TGFBR2: variants seen among roughly 807,000 people sequenced by gnomAD.
TGFBR2 encodes transforming growth factor beta receptor 2.
TGFBR2 carries 18 observed loss-of-function variants against 49.0 expected under a neutral mutation model. That is an observed-to-expected ratio of 0.37 (90% CI 0.25 to 0.54). The LOEUF (loss-of-function observed/expected upper bound fraction) is 0.54. Ranked by LOEUF, TGFBR2 falls within the 20% of genes least tolerant of loss-of-function variation. The pLI is 0.85. For synonymous variants in TGFBR2, 282 were observed against 275.9 expected (o/e 1.02, Z -0.22); for missense variants, 525 against 722.6 (o/e 0.73, Z 3.13).
Position 30,672,311 on chromosome 3 carries a change from GC to G in TGFBR2, c.1129del (p.His377ThrfsTer11). Reference sequence around the variant, plus strand: ...GTGGGAGGCCCAAGATGCCCATCGTGCACAGGGACCTCAAGAGCTCCAATAT... The same window carrying G: ...GTGGGAGGCCCAAGATGCCCATCGTGACAGGGACCTCAAGAGCTCCAATAT... ...PCGRPKMPIV[H>X]RDLKSSNILV... is the part of the protein sequence containing the mutation. On this transcript the variant is annotated frameshift_variant, in exon 4 of 7. Coordinates refer to ENST00000295754, the MANE Select transcript of TGFBR2 (RefSeq NM_003242.6). LOFTEE classifies it high-confidence loss of function. The surrounding 1 kb of genome is among the most constrained non-coding windows in gnomAD (Gnocchi z 4.5). 1 of 1,610,902 alleles carries G rather than the reference GC, an allele frequency of 6.2e-7. No individual in the cohort carries two copies. Among genetic ancestry groups the G allele is most frequent in the Non-Finnish European group, 8.5e-7 (1 of 1,178,038 alleles).
intron 3 of TGFBR2, among the ~76,000 whole-genome samples, chr3:30,651,586 C>T (rs929717427): frequency 6.6e-6 from 1 of 152,178 alleles, no homozygotes. Flanking sequence ...ATATTATCTC[C>T]CACGATGGAT....
Position 30,606,925 on chromosome 3 carries a change from C to T in TGFBR2, c.42C>T (p.Ile14=). The change falls in exon 1 of 7, where the codon ATC becomes ATT. Residue 14 remains isoleucine, a synonymous_variant. Transcript: ENST00000295754. ...TCAGGGGCCTGTGGCCGCTGCACAT[C>T]GTCCTGTGGACGCGTATCGCCAGCA... ...GLLRGLWPLH[I]VLWTRIASTI... The T allele has an allele frequency of 6.3e-7, 1 of 1,599,998 alleles. No individual in the cohort carries two copies. The highest frequency in any genetic ancestry group is 8.5e-7 in the Non-Finnish European group (1 of 1,173,206).
chr3:30,619,038 A>G (rs1698181021), intron 1 of TGFBR2, among the ~76,000 whole-genome samples: 1 of 152,170 alleles, frequency 6.6e-6, no homozygotes, highest in Non-Finnish European at 1.5e-5. Context: ...GATGTTTCCA[A>G]ATAATTTTAT....
intron 3 of TGFBR2, among the ~76,000 whole-genome samples, chr3:30,659,657 G>A (rs752921759): frequency 4.0e-5 from 6 of 150,846 alleles, no homozygotes; most frequent in African/African-American, 7.3e-5. Context: ...GTGGAATCTA[G>A]TATGGACACA....
rs1039181102 is a variant in TGFBR2 at position 30,692,403 on chromosome 3, C to T, written c.*804C>T. ...TTAATACCTTGAATGTTTTGAACCC[C>T]ACTTTTTACCTTCATGGGTTGCAGA... On this transcript the variant is annotated 3_prime_UTR_variant, in exon 7 of 7. Transcript: ENST00000295754. 1.3e-5 allele frequency: 3 copies of T among 231,332 alleles called. No homozygotes were observed. Among genetic ancestry groups the T allele is most frequent in the Non-Finnish European group, 2.6e-5 (3 of 116,888 alleles). 14.3% of individuals were successfully genotyped at this position (231,332 alleles called of 1,614,324 possible).
rs568433643 is a variant in TGFBR2, at chr3:30,628,866, C to G, written c.95-15881C>G. 2.6e-5 allele frequency among the ~76,000 whole-genome samples: 4 copies of G among 152,256 alleles called. No individual in the cohort carries two copies. The South Asian group carries it at 8.3e-4, about 32-fold the overall frequency. ...AACGTGTTTTCCATGGAACACTACT[C>G]CTTGTCCCTAATTGTCTTCTCTCCC... On this transcript the variant is annotated intron_variant, in intron 1 of 6. Transcript: ENST00000295754.
chr3:30,660,222 G>A (rs1255681732), intron 3 of TGFBR2, among the ~76,000 whole-genome samples: 2 of 152,116 alleles, frequency 1.3e-5, no homozygotes, highest in East Asian at 1.9e-4. Context: ...TCTCTGAAAT[G>A]TAGTCATTAA....
intron 3 of TGFBR2, among the ~76,000 whole-genome samples, chr3:30,659,283 T>G (rs768282607): frequency 2.0e-5 from 3 of 152,024 alleles, no homozygotes; most frequent in Non-Finnish European, 2.9e-5. Flanking sequence ...AGGAAGAAAA[T>G]TATGGATTAA....
chr3:30,614,323 T>C (rs986844061), intron 1 of TGFBR2, among the ~76,000 whole-genome samples: 4 of 152,122 alleles, frequency 2.6e-5, no homozygotes, highest in African/African-American at 2.4e-5. Context: ...TTAGAAGATA[T>C]AAGATTGTCA....
chr3:30,623,014 C>T lies in TGFBR2; in HGVS notation c.94+16037C>T, dbSNP rs539856782. Among the ~76,000 whole-genome samples the T allele has an allele frequency of 2.6e-5, 4 of 151,364 alleles. No homozygotes were observed. In the East Asian group the frequency reaches 7.8e-4, roughly 29 times the overall value. On this transcript the variant is annotated intron_variant, in intron 1 of 6. Coordinates refer to ENST00000295754, the MANE Select transcript of TGFBR2 (RefSeq NM_003242.6). ...TTGAGACATATGGGTGAAAGATCAC[C>T]AGAGGGAAAAATGTCTAGTCTGATA...
At position 30,623,664 on chromosome 3, in the gene TGFBR2, A is replaced by G. The variant is rs2125454406; in HGVS notation, c.94+16687A>G. On this transcript the variant is annotated intron_variant, in intron 1 of 6. Coordinates refer to ENST00000295754, the MANE Select transcript of TGFBR2 (RefSeq NM_003242.6). ...CAAATGCTGCCATGTGTAAAAGGCT[A>G]TGCCAGTTTCTGCAGTCCTGTAGTT... Among the ~76,000 whole-genome samples the G allele has an allele frequency of 1.3e-5, 2 of 152,332 alleles. 1 individual carries two copies. Among genetic ancestry groups the G allele is most frequent in the South Asian group, 4.1e-4 (2 of 4,830 alleles).
intron 2 of TGFBR2, among the ~76,000 whole-genome samples, chr3:30,646,198 AC>A (rs1698737994): frequency 6.6e-6 from 1 of 152,182 alleles, no homozygotes; most frequent in Non-Finnish European, 1.5e-5. Context: ...AGATCTGGAA[AC>A]CTTGCAAACT....
At chr3:30,640,355 G>A (rs963085020) in intron 1 of TGFBR2, among the ~76,000 whole-genome samples, 49 of 152,138 alleles carry the variant, frequency 3.2e-4, no homozygotes, top group African/African-American at 1.2e-3. Flanking sequence ...AAGATGGTTA[G>A]CTGCTCACAG....
intron 1 of TGFBR2, among the ~76,000 whole-genome samples, chr3:30,611,157 T>C (rs1488603288): frequency 1.3e-5 from 2 of 152,178 alleles, no homozygotes; most frequent in Non-Finnish European, 2.9e-5. Context: ...CTCAATCTTA[T>C]TCAGTTTTCT....
intron 1 of TGFBR2, among the ~76,000 whole-genome samples, chr3:30,639,754 C>T (rs563261342): frequency 2.6e-4 from 40 of 152,156 alleles, no homozygotes; most frequent in African/African-American, 7.9e-4. Flanking sequence ...AGTTTCCCCC[C>T]ACAAAAAACA....
chr3:30,657,691 TTA>T, intron 3 of TGFBR2, among the ~76,000 whole-genome samples: 1 of 152,340 alleles, frequency 6.6e-6, no homozygotes. Context: ...TTCAAATTTC[TTA>T]TCTTTGCCTT....
At chr3:30,646,982 A>G (rs548052917) in intron 2 of TGFBR2, among the ~76,000 whole-genome samples, 1 of 152,316 alleles carries the variant, frequency 6.6e-6, no homozygotes, top group Admixed American at 6.5e-5. Context: ...TACAATGAAC[A>G]TTATTTTGAC....
chr3:30,646,967 G>C (rs1195081829), intron 2 of TGFBR2, among the ~76,000 whole-genome samples: 1 of 152,128 alleles, frequency 6.6e-6, no homozygotes, highest in Non-Finnish European at 1.5e-5. Flanking sequence ...GCTATAAAGG[G>C]TAAATACAAT....
chr3:30,650,441 C>G lies in TGFBR2; in HGVS notation c.435C>G (p.Asp145Glu), dbSNP rs767805920. 1 of 1,613,944 alleles carries G rather than the reference C, an allele frequency of 6.2e-7. No homozygotes were observed. The highest frequency in any genetic ancestry group is 1.1e-5 in the South Asian group (1 of 91,082). Reference sequence around the variant, plus strand: ...CCTGTAGCTCTGATGAGTGCAATGACAACATCATCTTCTCAGAAGGTGAGT... The same window carrying G: ...CCTGTAGCTCTGATGAGTGCAATGAGAACATCATCTTCTCAGAAGGTGAGT... Reference protein sequence around the residue: ...MCSCSSDECNDNIIFSEEYNT... With the variant: ...MCSCSSDECNENIIFSEEYNT... Residue 145 changes from aspartate to glutamate, a missense_variant, in exon 3 of 7, where the codon GAC (aspartate) becomes GAG (glutamate). Coordinates refer to ENST00000295754, the MANE Select transcript of TGFBR2 (RefSeq NM_003242.6).
Sources: allele counts gnomAD v4.1 joint callset (sites outside exome capture counted in the v4.1 genomes callset), GRCh38; gene constraint gnomAD v4.1.1; non-coding constraint Gnocchi (gnomAD v3.1); transcripts MANE v1.5; gene names NCBI Gene and HGNC (gene_info 2026-07-23, HGNC 2026-07-21).